The following DCBLD2 variants were observed in gnomAD, a reference collection of about 807,000 sequenced individuals.
DCBLD2 encodes discoidin, CUB and LCCL domain-containing protein 2.
Under a neutral mutation model 86.8 loss-of-function variants are expected in DCBLD2, and 54 were observed. The ratio of observed to expected loss-of-function variants is 0.62; its 90% CI spans 0.50 to 0.78. DCBLD2 has a LOEUF of 0.78. DCBLD2 is among the 30% of genes least tolerant of loss of function. The probability of loss-of-function intolerance (pLI) is 0.00; values close to 1 mark genes in which losing one functional copy is unlikely to be tolerated. For synonymous variants in DCBLD2, 354 were observed against 341.3 expected (o/e 1.04, Z -0.41); for missense variants, 908 against 954.2 (o/e 0.95, Z 0.64).
chr3:98,829,362 T>C (rs767140807), intron 3 of DCBLD2, among the ~76,000 whole-genome samples: 11 of 151,936 alleles, frequency 7.2e-5, no homozygotes, highest in Non-Finnish European at 1.5e-4. Flanking sequence ...GTCATGGGGG[T>C]TTGCTGTATC....
intron 2 of DCBLD2, among the ~76,000 whole-genome samples, chr3:98,863,060 A>AT (rs1943075176): frequency 6.6e-6 from 1 of 152,212 alleles, no homozygotes; most frequent in Non-Finnish European, 1.5e-5. Flanking sequence ...AATCACAGGC[A>AT]TTCTTATATA....
At chr3:98,869,509 C>T (rs542326606) in intron 2 of DCBLD2, among the ~76,000 whole-genome samples, 15 of 152,232 alleles carry the variant, frequency 9.9e-5, no homozygotes, top group East Asian at 1.9e-4. Context: ...TCTCTGCCTA[C>T]GCCAATATCC....
At chr3:98,875,700 T>G (rs1235834265) in intron 2 of DCBLD2, among the ~76,000 whole-genome samples, 1 of 152,154 alleles carries the variant, frequency 6.6e-6, no homozygotes, top group African/African-American at 2.4e-5. Flanking sequence ...TTCTGGTATG[T>G]GGATAGATAC....
chr3:98,812,519 A>G (rs1333569670), intron 9 of DCBLD2, 37 bp from the exon 10 acceptor site: 2 of 1,580,082 alleles, frequency 1.3e-6, no homozygotes, highest in South Asian at 1.1e-5. Context: ...ACTTCAAATC[A>G]ATAGAGGTCA....
chr3:98,872,594 G>A (rs1175514402), intron 2 of DCBLD2, among the ~76,000 whole-genome samples: 3 of 152,176 alleles, frequency 2.0e-5, no homozygotes, highest in Non-Finnish European at 2.9e-5. Context: ...GAAGGGGAAA[G>A]AAGTCTAGTT....
chr3:98,854,480 A>G (rs1341700702), intron 2 of DCBLD2, among the ~76,000 whole-genome samples: 2 of 152,142 alleles, frequency 1.3e-5, no homozygotes, highest in African/African-American at 4.8e-5. Context: ...TTCAGCAAAG[A>G]CTTGCCTGCA....
chr3:98,877,889 T>C (rs1037001217), intron 2 of DCBLD2, among the ~76,000 whole-genome samples: 2 of 152,058 alleles, frequency 1.3e-5, no homozygotes, highest in Non-Finnish European at 2.9e-5. Flanking sequence ...CACTGGAGAT[T>C]TGGGACAATC....
chr3:98,858,496 T>A (rs1942979233), intron 2 of DCBLD2, among the ~76,000 whole-genome samples: 2 of 152,144 alleles, frequency 1.3e-5, no homozygotes, highest in South Asian at 4.1e-4. Flanking sequence ...TCATAAGTAT[T>A]AAAAATAAAT....
chr3:98,800,557 C>G, intron 15 of DCBLD2, 22 bp downstream of exon 15: 1 of 1,604,242 alleles, frequency 6.2e-7, no homozygotes, highest in Non-Finnish European at 8.5e-7. Flanking sequence ...TGCCTGGTAC[C>G]AGAAGGCTGC....
chr3:98,833,619 G>A (rs1204117262), intron 3 of DCBLD2, among the ~76,000 whole-genome samples: 1 of 152,218 alleles, frequency 6.6e-6, no homozygotes, highest in Non-Finnish European at 1.5e-5. Context: ...TGGGGGTACA[G>A]TGGTTGTGCT....
chr3:98,893,805 G>A (rs945177079), intron 1 of DCBLD2, among the ~76,000 whole-genome samples: 9 of 152,180 alleles, frequency 5.9e-5, no homozygotes, highest in African/African-American at 2.2e-4. Context: ...AAGAGGAAGA[G>A]GACAAGGTTT....
chr3:98,895,900 T>C (rs758892290), intron 1 of DCBLD2, among the ~76,000 whole-genome samples: 4 of 152,230 alleles, frequency 2.6e-5, no homozygotes, highest in Non-Finnish European at 5.9e-5. Flanking sequence ...TCACAGTTGG[T>C]ACCCCTTCAT....
chr3:98,866,430 T>C (rs560005611), intron 2 of DCBLD2, among the ~76,000 whole-genome samples: 91 of 152,354 alleles, frequency 6.0e-4, no homozygotes, highest in African/African-American at 2.1e-3. Context: ...TATCTCATTG[T>C]GGTTTTGATT....
At chr3:98,834,033 T>C (rs1287370005) in intron 3 of DCBLD2, among the ~76,000 whole-genome samples, 1 of 152,124 alleles carries the variant, frequency 6.6e-6, no homozygotes, top group Non-Finnish European at 1.5e-5. Flanking sequence ...CCTCGGATTT[T>C]CCAGCACCAC....
At chr3:98,820,041 C>T (rs1030659592) in intron 7 of DCBLD2, among the ~76,000 whole-genome samples, 1 of 152,120 alleles carries the variant, frequency 6.6e-6, no homozygotes, top group African/African-American at 2.4e-5. Flanking sequence ...TCTTAAGGAA[C>T]CTTCCTTGCT....
In DCBLD2 at chr3:98,882,066, AGTG is replaced by A. The variant is rs1315393291; in HGVS notation, c.206-302_206-300del. 2.6e-5 allele frequency among the ~76,000 whole-genome samples: 4 copies of A among 152,234 alleles called. No individual in the cohort carries two copies. In the East Asian group the frequency reaches 5.8e-4, roughly 22 times the overall value. ...ATTTTGTTAACTATAGCCATCCTGCAGTGGTAGATTCCTCCTATCTAGCTGTAA... is the reference window on the plus strand; with the variant it reads ...ATTTTGTTAACTATAGCCATCCTGCAGTAGATTCCTCCTATCTAGCTGTAA... On this transcript the variant is annotated intron_variant, in intron 1 of 15. Coordinates refer to ENST00000326840, the MANE Select transcript of DCBLD2 (RefSeq NM_080927.4).
intron 9 of DCBLD2, among the ~76,000 whole-genome samples, chr3:98,816,832 A>T (rs925722807): frequency 6.6e-6 from 1 of 152,096 alleles, no homozygotes; most frequent in African/African-American, 2.4e-5. Flanking sequence ...CCCAGGCTGG[A>T]TTGCAGTGGA....
chr3:98,826,891 T>TGG (rs1942232684), intron 3 of DCBLD2, among the ~76,000 whole-genome samples: 1 of 152,174 alleles, frequency 6.6e-6, no homozygotes, highest in African/African-American at 2.4e-5. Context: ...ATACCCTTGA[T>TGG]GGAGATAGCT....
chr3:98,802,438 T>C (rs2107420123), intron 13 of DCBLD2, among the ~76,000 whole-genome samples: 1 of 152,336 alleles, frequency 6.6e-6, no homozygotes. Context: ...GAGTTCTTTG[T>C]AGATTCTGGA....
Sources: allele counts gnomAD v4.1 joint callset (sites outside exome capture counted in the v4.1 genomes callset), GRCh38; gene constraint gnomAD v4.1.1; transcripts MANE v1.5; gene names NCBI Gene and HGNC (gene_info 2026-07-23, HGNC 2026-07-21).